The following PLB1 variants were observed in gnomAD, a reference collection of about 807,000 sequenced individuals.
PLB1 encodes phospholipase B1.
Under a neutral mutation model 227.4 loss-of-function variants are expected in PLB1, and 242 were observed. The ratio of observed to expected loss-of-function variants is 1.06; its 90% CI spans 0.96 to 1.18. PLB1 has a LOEUF of 1.18. Among genes scored for constraint, PLB1 ranks in the 50% most tolerant of loss-of-function variants. The pLI is 0.00. For missense variants in PLB1, 1,858 were observed against 1,816.3 expected (o/e 1.02, Z -0.42); for synonymous variants, 757 against 682.2 (o/e 1.11, Z -1.71).
At chr2:28,560,712 TAGA>T (rs1160935874) in intron 17 of PLB1, among the ~76,000 whole-genome samples, 1 of 152,188 alleles carries the variant, frequency 6.6e-6, no homozygotes, top group African/African-American at 2.4e-5. Context: ...TTATGCAAAG[TAGA>T]AGAAGCCAGA....
intron 1 of PLB1, among the ~76,000 whole-genome samples, chr2:28,499,091 TA>T (rs1214593359): frequency 2.6e-5 from 1 of 38,116 alleles, no homozygotes; most frequent in East Asian, 1.0e-3. Context: ...AAGTGGGTTT[TA>T]AAATTTTTAT....
At chr2:28,563,239 A>G in intron 18 of PLB1, 140 bp downstream of exon 18, 1 of 826,458 alleles carries the variant, frequency 1.2e-6, no homozygotes, top group Non-Finnish European at 2.0e-6. Flanking sequence ...CCATCTCTCC[A>G]TTGTCCGACC....
At chr2:28,538,001 G>T (rs1402190262) in intron 9 of PLB1, among the ~76,000 whole-genome samples, 1 of 152,226 alleles carries the variant, frequency 6.6e-6, no homozygotes, top group African/African-American at 2.4e-5. Flanking sequence ...CTGTCCCTCA[G>T]TGTGAGCTTC....
chr2:28,516,972 T>A (rs1004559800), intron 2 of PLB1, 103 bp downstream of exon 2: 6 of 1,144,114 alleles, frequency 5.2e-6, no homozygotes, highest in Non-Finnish European at 6.5e-6. Flanking sequence ...GACAGGCCCC[T>A]TCCTGAGGCC....
At position 28,617,759 on chromosome 2, in the gene PLB1, G is replaced by C; in HGVS notation, c.3228G>C (p.Trp1076Cys). The C allele has an allele frequency of 6.2e-7, 1 of 1,614,158 alleles. No individual in the cohort carries two copies. Among genetic ancestry groups the C allele is most frequent in the Non-Finnish European group, 8.5e-7 (1 of 1,180,002 alleles). The change falls in exon 45 of 58, where the codon TGG (tryptophan) becomes TGC (cysteine). Residue 1076 changes from tryptophan to cysteine, a missense_variant. Coordinates refer to ENST00000327757, the MANE Select transcript of PLB1 (RefSeq NM_153021.5). ...NWGSDFLCTE[W>C]KASNSVPTSV... The stretch of plus-strand genomic sequence containing the variant: ...GCAGTGACTTCCTGTGTACAGAGTG[G>C]AAGGCTTCCAATAGTGTTCCAACCT...
intron 31 of PLB1, 138 bp downstream of exon 31, chr2:28,591,898 T>C: frequency 1.2e-6 from 1 of 837,058 alleles, no homozygotes; most frequent in South Asian, 1.6e-5. Flanking sequence ...GGTGGTCACC[T>C]GGGATGAGTC....
intron 16 of PLB1, 78 bp downstream of exon 16, chr2:28,550,162 T>G (rs1673993262): frequency 2.7e-6 from 3 of 1,100,132 alleles, no homozygotes; most frequent in African/African-American, 1.6e-5. Context: ...TTTCGAACCT[T>G]CCACGTGGTT....
chr2:28,606,281 A>G (rs901112146), intron 42 of PLB1, among the ~76,000 whole-genome samples: 2 of 152,224 alleles, frequency 1.3e-5, no homozygotes, highest in Non-Finnish European at 2.9e-5. Context: ...TATCCCTGCT[A>G]GAGAAGCATG....
chr2:28,504,986 G>T (rs1021284466), intron 1 of PLB1, among the ~76,000 whole-genome samples: 3 of 152,172 alleles, frequency 2.0e-5, no homozygotes, highest in African/African-American at 7.2e-5. Flanking sequence ...CTTCAGAGAA[G>T]ATATAAGTGT....
At chr2:28,577,169 G>A (rs749125583) in intron 21 of PLB1, among the ~76,000 whole-genome samples, 28 of 152,248 alleles carry the variant, frequency 1.8e-4, no homozygotes, top group Middle Eastern at 3.4e-3. Flanking sequence ...TCAAGTAGTC[G>A]GCCAAGGTCT....
chr2:28,501,952 G>A (rs532543235), intron 1 of PLB1, among the ~76,000 whole-genome samples: 1 of 152,186 alleles, frequency 6.6e-6, no homozygotes, highest in Non-Finnish European at 1.5e-5. Flanking sequence ...TTCAAGTTCA[G>A]CTTATGCTAG....
chr2:28,610,251 T>C (rs1191042913), intron 43 of PLB1, among the ~76,000 whole-genome samples: 1 of 152,116 alleles, frequency 6.6e-6, no homozygotes. Flanking sequence ...GTCCTAATGC[T>C]CTCTGTCCCC....
chr2:28,571,957 T>C (rs114339667), intron 20 of PLB1, among the ~76,000 whole-genome samples: 1,798 of 152,256 alleles, frequency 0.012, 29 homozygotes, highest in African/African-American at 0.041. Flanking sequence ...AAGGATGTCA[T>C]ATCATATATC....
At position 28,620,661 on chromosome 2, in the gene PLB1, G is replaced by A. The variant is rs777313985; in HGVS notation, c.3427+18G>A. ...ACTGCCCAGTAAGTAGCAGCCCAGA[G>A]AGGCACCATCACTGTGGCCGTCCTC... On this transcript the variant is annotated intron_variant, in intron 48 of 57. Coordinates refer to ENST00000327757, the MANE Select transcript of PLB1 (RefSeq NM_153021.5). 1.2e-6 allele frequency: 2 copies of A among 1,613,828 alleles called. No individual in the cohort carries two copies. The highest frequency in any genetic ancestry group is 1.1e-5 in the South Asian group (1 of 90,998).
In PLB1 at chr2:28,610,902, C is replaced by T. The variant is rs141030976; in HGVS notation, c.3130-3129C>T. 2.9e-3 allele frequency among the ~76,000 whole-genome samples: 439 copies of T among 152,218 alleles called. 3 individuals carry two copies. Among genetic ancestry groups the T allele is most frequent in the African/African-American group, 1.0e-2 (414 of 41,530 alleles). Reference sequence around the variant, plus strand: ...TTCAGTCGGCCCCCCTTTCTACTCACGGGGGCTCCAAATCTAGCCTTCAAG... The same window carrying T: ...TTCAGTCGGCCCCCCTTTCTACTCATGGGGGCTCCAAATCTAGCCTTCAAG... On this transcript the variant is annotated intron_variant, in intron 43 of 57. Coordinates refer to ENST00000327757, the MANE Select transcript of PLB1 (RefSeq NM_153021.5).
rs371930248 is a variant in PLB1, at chr2:28,578,131, G to A, written c.1458G>A (p.Arg486=). The part of the protein sequence containing the change: ...RAEDLPVQAR[R]LVDLMKNDTR... ...GGGATCTACCTGTCCAGGCCAGGAG[G>A]CTGGTGGACCTGATGAAGAATGACA... is the stretch of plus-strand genomic sequence containing the variant. Residue 486 remains arginine (R), a synonymous_variant, in exon 22 of 58, where the codon AGG becomes AGA. Transcript: ENST00000327757. 4.3e-5 allele frequency: 69 copies of A among 1,614,178 alleles called. No homozygotes were observed. The East Asian group carries it at 7.8e-4, about 18-fold the overall frequency.
Position 28,496,090 on chromosome 2 carries a change from C to T in PLB1, c.-25C>T, listed in dbSNP as rs1666396134. 2.5e-6 allele frequency: 4 copies of T among 1,612,756 alleles called. No homozygotes were observed. The highest frequency in any genetic ancestry group is 2.2e-5 in the East Asian group (1 of 44,868). On this transcript the variant is annotated 5_prime_UTR_variant, in exon 1 of 58. Coordinates refer to ENST00000327757, the MANE Select transcript of PLB1 (RefSeq NM_153021.5). ...TCTGCTGGAGCAGCTCTTCCAGAGG[C>T]CCGAGTCACCTGGAGCATTCTGGCA...
intron 6 of PLB1, 76 bp from the exon 7 acceptor site, chr2:28,529,241 G>C: frequency 1.0e-6 from 1 of 992,682 alleles, no homozygotes; most frequent in South Asian, 1.3e-5. Flanking sequence ...CACCACTCCT[G>C]GCAGTAGGTA....
At position 28,598,010 on chromosome 2, in the gene PLB1, GA is replaced by G; in HGVS notation, c.2328del (p.Asp778ThrfsTer7). 1 of 1,612,986 alleles carries G rather than the reference GA, an allele frequency of 6.2e-7. No individual in the cohort carries two copies. The highest frequency in any genetic ancestry group is 8.5e-7 in the Non-Finnish European group (1 of 1,178,978). ...TQYRGLSYSA[G>X]GDGSLENVTT... ...GGCTTGCTCACTCCCTACAGTGCAG[GA>G]GGGGACGGCTCCCTGGAGAATGTGA... On this transcript the variant is annotated frameshift_variant, in exon 34 of 58. Transcript: ENST00000327757. LOFTEE classifies it high-confidence loss of function.
Sources: gnomAD v4.1 joint callset for allele counts (sites outside exome capture counted in the v4.1 genomes callset) on GRCh38, gnomAD v4.1.1 for gene constraint, MANE v1.5 for transcripts, NCBI Gene and HGNC (gene_info 2026-07-23, HGNC 2026-07-21) for gene names.